The following STEAP1B variants were observed in gnomAD, a reference collection of about 807,000 sequenced individuals.
The protein encoded by STEAP1B is STEAP family protein MGC87042.
STEAP1B carries 13 observed loss-of-function variants against 27.9 expected under a neutral mutation model. That is an observed-to-expected ratio of 0.47 (90% confidence interval 0.30 to 0.74). The LOEUF (loss-of-function observed/expected upper bound fraction) is 0.74. Among genes scored for constraint, STEAP1B ranks in the 30% least tolerant of loss-of-function variants. STEAP1B has a pLI of 0.06. For synonymous variants in STEAP1B, 86 were observed against 107.1 expected, an observed-to-expected ratio of 0.80 and a Z score of 1.22; for missense variants, 250 against 298.7, an observed-to-expected ratio of 0.84 and a Z score of 1.20.
intron 4 of STEAP1B, among the ~76,000 whole-genome samples, chr7:22,422,653 T>G (rs965707913): frequency 2.0e-5 from 3 of 152,096 alleles, no homozygotes; most frequent in African/African-American, 7.2e-5. Context: ...ACCCCTAGGC[T>G]CGGCTAATTT....
Position 22,441,988 on chromosome 7 carries a change from A to ATGGGATTTGGG in STEAP1B, c.763-22163_763-22153dup, listed in dbSNP as rs200812890. 6.4e-3 allele frequency among the ~76,000 whole-genome samples: 973 copies of ATGGGATTTGGG among 152,332 alleles called. 16 individuals are homozygous for ATGGGATTTGGG. Among genetic ancestry groups the ATGGGATTTGGG allele is most frequent in the African/African-American group, 0.023 (936 of 41,574 alleles). On this transcript the variant is annotated intron_variant, in intron 4 of 4. Transcript: ENST00000678116. ...GTCAGCAGGTCCCAAATTCTAGACC[A>ATGGGATTTGGG]TGGGATTTGGGTGGGATTTGGCCAC... is the stretch of plus-strand genomic sequence containing the variant.
At chr7:22,435,671 A>G (rs185323890) in intron 4 of STEAP1B, among the ~76,000 whole-genome samples, 11 of 152,358 alleles carry the variant, frequency 7.2e-5, no homozygotes, top group African/African-American at 2.6e-4. Flanking sequence ...GACAGTATTC[A>G]GTAAAGCACT....
intron 4 of STEAP1B, among the ~76,000 whole-genome samples, chr7:22,465,202 C>T (rs1307040716): frequency 1.3e-5 from 2 of 151,458 alleles, no homozygotes; most frequent in East Asian, 1.9e-4. Context: ...TGTCCAGAGC[C>T]GGATGGTGTG....
intron 4 of STEAP1B, among the ~76,000 whole-genome samples, chr7:22,473,571 G>A (rs1785922247): frequency 6.6e-6 from 1 of 152,176 alleles, no homozygotes; most frequent in Non-Finnish European, 1.5e-5. Context: ...TTATTTAGGA[G>A]ACACGTTGAG....
At chr7:22,492,175 T>C (rs1252887647) in intron 4 of STEAP1B, among the ~76,000 whole-genome samples, 1 of 151,158 alleles carries the variant, frequency 6.6e-6, no homozygotes, top group Non-Finnish European at 1.5e-5. Context: ...AAAAATTAGC[T>C]GGACATGGTG....
chr7:22,449,437 A>G (rs1785453267), intron 4 of STEAP1B, among the ~76,000 whole-genome samples: 2 of 152,208 alleles, frequency 1.3e-5, no homozygotes, highest in African/African-American at 4.8e-5. Context: ...TAATATAATG[A>G]TCTCCAGTTA....
At chr7:22,460,254 G>T (rs1583641959) in intron 4 of STEAP1B, among the ~76,000 whole-genome samples, 1 of 151,472 alleles carries the variant, frequency 6.6e-6, no homozygotes, top group African/African-American at 2.4e-5. Flanking sequence ...CTTGAGCCTG[G>T]GAGGTCAAGG....
intron 1 of STEAP1B, chr7:22,495,585 G>C (rs1786425169): frequency 6.6e-6 from 1 of 152,178 alleles, no homozygotes; most frequent in Non-Finnish European, 1.5e-5. Context: ...TTTAGGGAAA[G>C]AAAACATATG....
At chr7:22,424,554 C>T (rs2686496) in intron 4 of STEAP1B, among the ~76,000 whole-genome samples, 108,840 of 152,046 alleles carry the variant, frequency 0.72, 39,342 homozygotes, top group Middle Eastern at 0.78. Flanking sequence ...TTGGATTAAA[C>T]ATAAAGGAGG....
At chr7:22,457,145 A>G (rs1785601853) in intron 4 of STEAP1B, among the ~76,000 whole-genome samples, 2 of 151,220 alleles carry the variant, frequency 1.3e-5, no homozygotes. Flanking sequence ...GGATCCACCA[A>G]TTAGAGATCT....
At chr7:22,479,725 C>T (rs1786035523) in intron 4 of STEAP1B, among the ~76,000 whole-genome samples, 1 of 130,220 alleles carries the variant, frequency 7.7e-6, no homozygotes, top group South Asian at 2.8e-4. Flanking sequence ...CACTCTGTTA[C>T]CCAGGCTGAA....
At chr7:22,457,793 T>C (rs1406767322) in intron 4 of STEAP1B, among the ~76,000 whole-genome samples, 1 of 152,212 alleles carries the variant, frequency 6.6e-6, no homozygotes, top group Non-Finnish European at 1.5e-5. Context: ...AGATAGAAAG[T>C]GCAAAGTCAA....
rs199847360 is a variant in STEAP1B, at chr7:22,456,952, CTATA to C, written c.762+35609_762+35612del. Among the ~76,000 whole-genome samples the C allele has an allele frequency of 1.2e-4, 9 of 73,274 alleles. 2 individuals are homozygous for C. In the East Asian group the frequency reaches 1.6e-3, roughly 13 times the overall value. 48.1% of individuals were successfully genotyped at this position (73,274 alleles called of 152,430 possible). A position where few individuals can be genotyped will look rare whatever the true frequency, so the allele number is the denominator to read the frequency against. ...TTCAGAATGGGGGTGGGATAGGCAG[CTATA>C]TATATATATATATATATTTTTTTTT... On this transcript the variant is annotated intron_variant, in intron 4 of 4. Coordinates refer to ENST00000678116, the MANE Select transcript of STEAP1B (RefSeq NM_001382447.1).
At chr7:22,471,063 A>AT (rs112633081) in intron 4 of STEAP1B, among the ~76,000 whole-genome samples, 7 of 151,742 alleles carry the variant, frequency 4.6e-5, no homozygotes, top group Non-Finnish European at 1.0e-4. Context: ...TAAAGAGCCT[A>AT]TTTTTTCCCC....
At chr7:22,462,908 T>C (rs1380694847) in intron 4 of STEAP1B, among the ~76,000 whole-genome samples, 4 of 152,212 alleles carry the variant, frequency 2.6e-5, no homozygotes, top group African/African-American at 9.7e-5. Context: ...TTCCTGACTT[T>C]TTAATGATTG....
intron 4 of STEAP1B, among the ~76,000 whole-genome samples, chr7:22,479,903 C>G (rs961313825): frequency 3.3e-5 from 5 of 151,988 alleles, no homozygotes; most frequent in Admixed American, 2.0e-4. Flanking sequence ...GCAGGCTAGT[C>G]TTGAACTCCT....
At chr7:22,430,538 G>A (rs1355910791) in intron 4 of STEAP1B, among the ~76,000 whole-genome samples, 1 of 152,204 alleles carries the variant, frequency 6.6e-6, no homozygotes, top group African/African-American at 2.4e-5. Flanking sequence ...TTATTCAGAT[G>A]CTTGCAGCAA....
chr7:22,424,997 C>A (rs937055397), intron 4 of STEAP1B, among the ~76,000 whole-genome samples: 1 of 151,940 alleles, frequency 6.6e-6, no homozygotes, highest in African/African-American at 2.4e-5. Context: ...AGTGTCACCA[C>A]CTCTGGGTAG....
intron 4 of STEAP1B, among the ~76,000 whole-genome samples, chr7:22,437,935 C>T (rs1316440652): frequency 6.6e-6 from 1 of 152,112 alleles, no homozygotes; most frequent in Non-Finnish European, 1.5e-5. Context: ...ATTTTCTTTG[C>T]TCATTTTTTA....
Sources: gnomAD v4.1 joint callset for allele counts (sites outside exome capture counted in the v4.1 genomes callset) on GRCh38, gnomAD v4.1.1 for gene constraint, MANE v1.5 for transcripts, NCBI Gene and HGNC (gene_info 2026-07-23, HGNC 2026-07-21) for gene names.